The following CFAP91 variants were observed in gnomAD, a reference collection of about 807,000 sequenced individuals.
CFAP91 encodes the protein cilia- and flagella-associated protein 91.
CFAP91 carries 85 observed loss-of-function variants against 95.9 expected under a neutral mutation model. That is an observed-to-expected ratio of 0.89 (90% CI 0.74 to 1.06). The LOEUF (loss-of-function observed/expected upper bound fraction) is 1.06, where lower values mean the gene tolerates loss of function less well. CFAP91 is among the 50% of genes least tolerant of loss of function. The probability of loss-of-function intolerance (pLI) is 0.00; values close to 1 mark genes in which losing one functional copy is unlikely to be tolerated. For synonymous variants in CFAP91, 335 were observed against 327.5 expected (o/e 1.02, Z -0.25); for missense variants, 962 against 943.4 (o/e 1.02, Z -0.26).
chr3:119,716,031 TAGTGAA>T (rs2053568198), intron 6 of CFAP91: 2 of 550,774 alleles, frequency 3.6e-6, no homozygotes, highest in East Asian at 5.8e-5. Context: ...TTCTCTCTCC[TAGTGAA>T]CCACTTCCTT....
chr3:119,742,145 CATTTAGTGG>C (rs1392697417), intron 13 of CFAP91, among the ~76,000 whole-genome samples: 1 of 152,168 alleles, frequency 6.6e-6, no homozygotes, highest in Non-Finnish European at 1.5e-5. Context: ...TCATTTATTC[CATTTAGTGG>C]ATATACATGT....
In CFAP91 at chr3:119,718,032, G is replaced by A. The variant is rs576780096; in HGVS notation, c.682+2289G>A. Among the ~76,000 whole-genome samples, 47 of 152,288 alleles carry A rather than the reference G, an allele frequency of 3.1e-4. 1 individual carries two copies. In the South Asian group the frequency reaches 9.3e-3, roughly 30 times the overall value. On this transcript the variant is annotated intron_variant, in intron 6 of 17. Transcript: ENST00000273390. ...TAGGTAGTAGCCACTCGCAGGTCAA[G>A]GCTGCTTATTGACCAGGGTGCTTAT...
At chr3:119,705,753 A>G (rs939561802) in intron 1 of CFAP91, among the ~76,000 whole-genome samples, 3 of 152,212 alleles carry the variant, frequency 2.0e-5, no homozygotes, top group Non-Finnish European at 2.9e-5. Context: ...TCATGAAGTC[A>G]AAGATTTTTG....
At chr3:119,762,201 C>CA (rs1021290914) in intron 17 of CFAP91, among the ~76,000 whole-genome samples, 2 of 151,196 alleles carry the variant, frequency 1.3e-5, no homozygotes, top group Non-Finnish European at 3.0e-5. Flanking sequence ...ACAAACTATA[C>CA]AAAAAAGAAA....
chr3:119,724,782 TCACCCAGG>T (rs895793331), intron 6 of CFAP91, among the ~76,000 whole-genome samples: 9 of 152,264 alleles, frequency 5.9e-5, no homozygotes, highest in South Asian at 2.1e-4. Context: ...TCTCACTCTG[TCACCCAGG>T]CTGGAGTGCA....
chr3:119,758,732 G>C (rs2054478989), intron 17 of CFAP91, among the ~76,000 whole-genome samples: 1 of 151,990 alleles, frequency 6.6e-6, no homozygotes, highest in African/African-American at 2.4e-5. Flanking sequence ...ATACTGTTCT[G>C]AATGAAAAGA....
chr3:119,705,638 A>T (rs2053344138), intron 1 of CFAP91, among the ~76,000 whole-genome samples: 1 of 152,212 alleles, frequency 6.6e-6, no homozygotes, highest in South Asian at 2.1e-4. Flanking sequence ...TTAAAATTGC[A>T]ACCCAATCTT....
intron 15 of CFAP91, chr3:119,747,579 G>A: frequency 1.7e-6 from 1 of 574,198 alleles, no homozygotes; most frequent in East Asian, 2.9e-5. Context: ...TGTATAAGCT[G>A]TGTTTCCAAC....
At chr3:119,725,024 C>T (rs1168116074) in intron 6 of CFAP91, among the ~76,000 whole-genome samples, 3 of 152,154 alleles carry the variant, frequency 2.0e-5, no homozygotes, top group African/African-American at 2.4e-5. Context: ...TTAGGCATGC[C>T]CTACTGTACG....
rs2053917224 is a variant in CFAP91 at position 119,732,378 on chromosome 3, C to T, written c.1103C>T (p.Ala368Val). 1.2e-6 allele frequency: 2 copies of T among 1,611,292 alleles called. No individual in the cohort carries two copies. Among genetic ancestry groups the T allele is most frequent in the African/African-American group, 1.3e-5 (1 of 74,840 alleles). The change falls in exon 9 of 18, where the codon GCA becomes GTA. Residue 368 changes from alanine (A) to valine (V), a missense_variant. Coordinates refer to ENST00000273390, the MANE Select transcript of CFAP91 (RefSeq NM_033364.4). ...ATCATCAAGGATTATTCTGATTATGCATCACAGGTCTATGGACCTCTGTCT... is the reference window on the plus strand; with the variant it reads ...ATCATCAAGGATTATTCTGATTATGTATCACAGGTCTATGGACCTCTGTCT... ...RNIIKDYSDY[A>V]SQVYGPLSRL...
chr3:119,747,884 T>C lies in CFAP91; in HGVS notation c.2125T>C (p.Tyr709His). 2 of 1,612,844 alleles carry C rather than the reference T, an allele frequency of 1.2e-6. No individual in the cohort carries two copies. Among genetic ancestry groups the C allele is most frequent in the Non-Finnish European group, 1.7e-6 (2 of 1,179,302 alleles). The part of the protein sequence containing the change: ...YSFLIPEVQK[Y>H]FVKEKVRNAQ... ...TTTTCTGATCCCAGAGGTGCAAAAA[T>C]ACTTTGTCAAAGAAAAAGGTAAGCC... The change falls in exon 16 of 18, where the codon TAC becomes CAC. Residue 709 changes from tyrosine to histidine, a missense_variant. Physicochemically the swap from Tyr to His is moderately conservative, Grantham distance 83. Transcript: ENST00000273390.
At chr3:119,707,808 G>A (rs75921832) in intron 3 of CFAP91, among the ~76,000 whole-genome samples, 2,884 of 150,560 alleles carry the variant, frequency 0.019, 34 homozygotes, top group Middle Eastern at 0.056. Flanking sequence ...TGAGTTTGTT[G>A]TTGCTTGGAT....
chr3:119,714,936 T>A (rs2053546089), intron 5 of CFAP91, among the ~76,000 whole-genome samples: 1 of 152,152 alleles, frequency 6.6e-6, no homozygotes, highest in Non-Finnish European at 1.5e-5. Flanking sequence ...ACTTTTATAG[T>A]CTCATTTTTA....
chr3:119,732,504 A>G (rs2053922322), intron 9 of CFAP91, 28 bp downstream of exon 9: 5 of 1,405,830 alleles, frequency 3.6e-6, no homozygotes, highest in Admixed American at 4.9e-5. Flanking sequence ...TTAGAAATCC[A>G]GTATAAGAAG....
chr3:119,715,895 A>G (rs991524578), intron 6 of CFAP91, 152 bp downstream of exon 6: 1 of 644,228 alleles, frequency 1.6e-6, no homozygotes, highest in Non-Finnish European at 2.8e-6. Context: ...AATTTTTCTG[A>G]TACTTCTGGT....
chr3:119,736,386 C>T (rs2054007486), intron 10 of CFAP91, among the ~76,000 whole-genome samples: 1 of 151,220 alleles, frequency 6.6e-6, no homozygotes, highest in South Asian at 2.1e-4. Context: ...ATTCTCCTGC[C>T]TCAGCCTCCT....
Position 119,736,268 on chromosome 3 carries a change from G to GTTTTTTTT in CFAP91, c.1345-1084_1345-1077dup, listed in dbSNP as rs770777389. ...ACCACTATTCTACTTTCTTTCTATT[G>GTTTTTTTT]TTTTTTTTTTTTTTTTTTTTTGAGT... On this transcript the variant is annotated intron_variant, in intron 10 of 17. Transcript: ENST00000273390. 6.2e-4 allele frequency among the ~76,000 whole-genome samples: 53 copies of GTTTTTTTT among 85,312 alleles called. 1 individual carries two copies. The highest frequency in any genetic ancestry group is 1.6e-3 in the African/African-American group (33 of 20,600). 56.0% of individuals were successfully genotyped at this position (85,312 alleles called of 152,430 possible).
In CFAP91 at chr3:119,709,840, C is replaced by G. The variant is rs777685090; in HGVS notation, c.445C>G (p.Pro149Ala). ...GKNRYKYFERPFLPFFQQMPF... is the reference protein window; with the variant it reads ...GKNRYKYFERAFLPFFQQMPF... ...TTTATGTTTTCTTTTTCCTCCCAGG[C>G]CTTTTCTCCCATTTTTTCAGCAGAT... Residue 149 changes from proline (P) to alanine (A), a missense_variant and splice_region_variant, in exon 5 of 18, where the codon CCT becomes GCT. Pro to Ala is a conservative substitution (Grantham distance 27, BLOSUM62 -1). Coordinates refer to ENST00000273390, the MANE Select transcript of CFAP91 (RefSeq NM_033364.4). 4 of 1,610,646 alleles carry G rather than the reference C, an allele frequency of 2.5e-6. No individual in the cohort carries two copies. In the South Asian group the frequency reaches 4.4e-5, roughly 18 times the overall value.
In CFAP91 at chr3:119,737,440, T is replaced by G; in HGVS notation, c.1419T>G (p.Pro473=). The part of the protein sequence containing the change: ...PPRFLQRNPI[P]QPRLPTPTLE... ...GCTTCCTTCAAAGAAACCCAATACC[T>G]CAACCTCGGCTTCCAACTCCAACCT... Residue 473 remains proline (P), a synonymous_variant, in exon 11 of 18, where the codon CCT becomes CCG. Coordinates refer to ENST00000273390, the MANE Select transcript of CFAP91 (RefSeq NM_033364.4). 1 of 1,610,964 alleles carries G rather than the reference T, an allele frequency of 6.2e-7. No homozygotes were observed. The highest frequency in any genetic ancestry group is 8.5e-7 in the Non-Finnish European group (1 of 1,178,916).
Sources: allele counts gnomAD v4.1 joint callset (sites outside exome capture counted in the v4.1 genomes callset), GRCh38; gene constraint gnomAD v4.1.1; transcripts MANE v1.5; gene names NCBI Gene and HGNC (gene_info 2026-07-23, HGNC 2026-07-21).